POM121: variants seen among roughly 807,000 people sequenced by gnomAD.
POM121 encodes nuclear envelope pore membrane protein POM 121.
Under a neutral mutation model 81.3 loss-of-function variants are expected in POM121, and 32 were observed. That is an observed-to-expected ratio of 0.39 (90% CI 0.30 to 0.53). POM121 has a LOEUF of 0.53. Ranked by LOEUF, POM121 falls within the 20% of genes least tolerant of loss-of-function variation. The pLI is 0.66. For missense variants in POM121, 1,138 were observed against 1,614.6 expected (o/e 0.70, Z 5.06); for synonymous variants, 514 against 694.2 (o/e 0.74, Z 4.08).
chr7:72,908,197 C>A (rs1181386540), intron 3 of POM121, among the ~76,000 whole-genome samples: 2 of 152,178 alleles, frequency 1.3e-5, no homozygotes, highest in African/African-American at 2.4e-5. Context: ...GAGTCCTTTT[C>A]TATTTTCCCT....
At chr7:72,948,341 T>A (rs1554503797), downstream of POM121, 5 of 1,609,208 alleles carry the variant, frequency 3.1e-6, no homozygotes, top group East Asian at 1.1e-4. Context: ...ACACTTTTGC[T>A]CACCAGCAAG....
chr7:72,893,457 G>A (rs1414759753), intron 3 of POM121, among the ~76,000 whole-genome samples: 3 of 151,948 alleles, frequency 2.0e-5, no homozygotes, highest in Non-Finnish European at 4.4e-5. Flanking sequence ...GGTGGCGGGC[G>A]CCTGCAGTCC....
chr7:72,908,619 TATTTCCTCCCTTATC>T (rs1234525872), intron 3 of POM121, among the ~76,000 whole-genome samples: 1 of 152,166 alleles, frequency 6.6e-6, no homozygotes, highest in Non-Finnish European at 1.5e-5. Flanking sequence ...AACGGGAACT[TATTTCCTCCCTTATC>T]TGCAACCGTA....
chr7:72,930,569 G>T (rs2129578288), intron 5 of POM121, among the ~76,000 whole-genome samples: 1 of 152,208 alleles, frequency 6.6e-6, no homozygotes, highest in South Asian at 2.1e-4. Flanking sequence ...TCGTAAAAGA[G>T]ATTTATCTTA....
At chr7:72,939,247 C>G (rs568946099) in intron 6 of POM121, 89 bp from the exon 7 acceptor site, 1 of 1,520,490 alleles carries the variant, frequency 6.6e-7, no homozygotes, top group Non-Finnish European at 8.9e-7. Context: ...TAGACATTGG[C>G]CACTTGGTAG....
chr7:72,897,329 T>G (rs2129575288), intron 3 of POM121, among the ~76,000 whole-genome samples: 1 of 152,174 alleles, frequency 6.6e-6, no homozygotes, highest in Admixed American at 6.5e-5. Flanking sequence ...CATGCTTACC[T>G]CCAAAGGAAC....
chr7:72,918,639 T>C (rs1394029817), intron 4 of POM121, among the ~76,000 whole-genome samples: 3 of 152,184 alleles, frequency 2.0e-5, no homozygotes, highest in Non-Finnish European at 4.4e-5. Context: ...CTGGAACAGC[T>C]CGTGCCCTCG....
downstream of POM121, chr7:72,949,699 G>A (rs1797939940): frequency 1.4e-6 from 1 of 699,250 alleles, no homozygotes; most frequent in Admixed American, 2.0e-5. Context: ...CACCTGCAGT[G>A]GGGAAAGCTT....
chr7:72,926,541 TC>T (rs1483028221), intron 2 of POM121, 64 bp downstream of exon 2: 65 of 1,602,986 alleles, frequency 4.1e-5, no homozygotes, highest in African/African-American at 8.0e-5. Context: ...CTCCAGTTGT[TC>T]CTATGACATG....
intron 3 of POM121, among the ~76,000 whole-genome samples, chr7:72,900,125 G>C (rs1448555992): frequency 6.6e-6 from 1 of 152,204 alleles, no homozygotes; most frequent in Non-Finnish European, 1.5e-5. Flanking sequence ...TTCTGATTTA[G>C]CTCGTTTTCT....
chr7:72,946,319 G>A lies in POM121; in HGVS notation c.*85G>A, dbSNP rs1251527305. 2.0e-6 allele frequency: 3 copies of A among 1,537,330 alleles called. No homozygotes were observed. The highest frequency in any genetic ancestry group is 2.6e-6 in the Non-Finnish European group (3 of 1,141,490). On this transcript the variant is annotated 3_prime_UTR_variant, in exon 13 of 13. Coordinates refer to ENST00000434423, the MANE Select transcript of POM121 (RefSeq NM_001387691.1). ...CTAGGAAGAGCCTTGGACCCTTCCA[G>A]TTGCGTAAAGCAAACCTACCCCGGA...
chr7:72,908,625 C>T (rs1446778777), intron 3 of POM121, among the ~76,000 whole-genome samples: 2 of 152,184 alleles, frequency 1.3e-5, no homozygotes, highest in Non-Finnish European at 2.9e-5. Context: ...AACTTATTTC[C>T]TCCCTTATCT....
intron 1 of POM121, among the ~76,000 whole-genome samples, chr7:72,880,563 C>T (rs1790037298): frequency 1.3e-5 from 2 of 152,032 alleles, no homozygotes; most frequent in Admixed American, 6.5e-5. Flanking sequence ...ATTCCTATGG[C>T]TTATTTTATT....
At chr7:72,906,791 CT>C (rs1244279865) in intron 3 of POM121, among the ~76,000 whole-genome samples, 80 of 146,712 alleles carry the variant, frequency 5.5e-4, no homozygotes, top group Middle Eastern at 3.5e-3. Context: ...CCTGGCTAAT[CT>C]TTTTTTTTTT....
chr7:72,939,722 A>G lies in POM121; in HGVS notation c.1442-125A>G, dbSNP rs2129579845. On this transcript the variant is annotated intron_variant, in intron 7 of 12. Coordinates refer to ENST00000434423, the MANE Select transcript of POM121 (RefSeq NM_001387691.1). ...CAAACACCATCCAAGCAACCAAACCATAGAAGATTGAATCTTTTCAGAGAT... is the reference window on the plus strand; with the variant it reads ...CAAACACCATCCAAGCAACCAAACCGTAGAAGATTGAATCTTTTCAGAGAT... The G allele has an allele frequency of 1.1e-5, 17 of 1,606,728 alleles. 1 individual carries two copies. The highest frequency in any genetic ancestry group is 6.7e-5 in the East Asian group (3 of 44,786).
rs190857911 is a variant in POM121, at chr7:72,901,680, T to G, written c.-216+10570T>G. Among the ~76,000 whole-genome samples, 333 of 151,458 alleles carry G rather than the reference T, an allele frequency of 2.2e-3. 1 individual carries two copies. The highest frequency in any genetic ancestry group is 7.9e-3 in the African/African-American group (325 of 41,294). ...ACTCAGGCTAATTTTTTATTTTTAG[T>G]TTTTGTAGAGATGGGATCTCACTGT... On this transcript the variant is annotated intron_variant, in intron 3 of 15. Coordinates refer to the POM121 transcript ENST00000395270.
intron 3 of POM121, among the ~76,000 whole-genome samples, chr7:72,892,704 C>T (rs1424131517): frequency 6.0e-5 from 9 of 150,174 alleles, no homozygotes; most frequent in Admixed American, 4.7e-4. Flanking sequence ...TCGCTCTTGT[C>T]GCCCAGGCTG....
intron 3 of POM121, among the ~76,000 whole-genome samples, chr7:72,900,911 T>A (rs75638012): frequency 6.6e-6 from 1 of 151,910 alleles, no homozygotes; most frequent in Non-Finnish European, 1.5e-5. Flanking sequence ...TTTTTTTTTT[T>A]ATTATTGCTT....
chr7:72,913,958 C>T (rs565498318), intron 4 of POM121: 19 of 152,290 alleles, frequency 1.2e-4, no homozygotes, highest in Admixed American at 1.1e-3. Context: ...TCTTCCATCG[C>T]GTGGTCGGGG....
Sources: allele counts gnomAD v4.1 joint callset (sites outside exome capture counted in the v4.1 genomes callset), GRCh38; gene constraint gnomAD v4.1.1; transcripts MANE v1.5; gene names NCBI Gene and HGNC (gene_info 2026-07-23, HGNC 2026-07-21).